DKK3: variants seen among roughly 807,000 people sequenced by gnomAD.
DKK3 encodes the protein dickkopf Wnt signaling pathway inhibitor 3.
DKK3 carries 22 observed loss-of-function variants against 33.2 expected under a neutral mutation model. The observed-to-expected ratio is 0.66, with a 90% CI of 0.47 to 0.95. The LOEUF (loss-of-function observed/expected upper bound fraction) is 0.95. DKK3 is among the 40% of genes least tolerant of loss of function. The probability of loss-of-function intolerance (pLI) is 0.00; values close to 1 mark genes in which losing one functional copy is unlikely to be tolerated. For synonymous variants in DKK3, 194 were observed against 188.8 expected (o/e 1.03, Z -0.23); for missense variants, 398 against 458.4 (o/e 0.87, Z 1.20).
intron 3 of DKK3, among the ~76,000 whole-genome samples, chr11:11,992,284 T>C (rs756157630): frequency 5.3e-5 from 8 of 152,186 alleles, no homozygotes; most frequent in Non-Finnish European, 1.0e-4. Flanking sequence ...ATTTTACATA[T>C]GGGAAAACTA....
intron 3 of DKK3, among the ~76,000 whole-genome samples, chr11:11,978,307 C>A (rs1198425005): frequency 6.6e-6 from 1 of 152,098 alleles, no homozygotes; most frequent in East Asian, 1.9e-4. Context: ...GGCTGGGAAG[C>A]ACTGCCCTTC....
chr11:11,964,787 T>C (rs1438395395), intron 6 of DKK3, 101 bp from the exon 7 acceptor site: 3 of 1,527,850 alleles, frequency 2.0e-6, no homozygotes, highest in African/African-American at 2.8e-5. Context: ...CTCACCTTCA[T>C]GCCCCCTCCT....
chr11:11,967,153 T>G, intron 4 of DKK3, 55 bp from the exon 5 acceptor site: 1 of 1,589,636 alleles, frequency 6.3e-7, no homozygotes, highest in Non-Finnish European at 8.6e-7. Flanking sequence ...GGGGGCCTGC[T>G]GAGAGCCCAG....
intron 3 of DKK3, among the ~76,000 whole-genome samples, chr11:11,995,869 T>C (rs981497376): frequency 2.6e-5 from 4 of 152,200 alleles, no homozygotes; most frequent in Non-Finnish European, 5.9e-5. Context: ...GGTGTCCTTT[T>C]CCCCTTTCAC....
chr11:11,981,840 T>C (rs2135040434), intron 3 of DKK3, among the ~76,000 whole-genome samples: 1 of 152,306 alleles, frequency 6.6e-6, no homozygotes, highest in East Asian at 1.9e-4. Flanking sequence ...CCCTGGGCCT[T>C]CTTGGTTGCT....
rs1847649982 is a variant in DKK3, at chr11:11,968,394, C to G, written c.528+1G>C. 6.2e-7 allele frequency: 1 copy of G among 1,611,788 alleles called. No individual in the cohort carries two copies. The highest frequency in any genetic ancestry group is 8.5e-7 in the Non-Finnish European group (1 of 1,178,704). On this transcript the variant is annotated splice_donor_variant, in intron 4 of 6. Transcript: ENST00000683431. LOFTEE classifies it high-confidence loss of function. ...AGCCCCAGAGGCCCTGGCATACTCACCATCCTCTGGCCCCGGCATGGCTGG... is the reference window on the plus strand; with the variant it reads ...AGCCCCAGAGGCCCTGGCATACTCAGCATCCTCTGGCCCCGGCATGGCTGG...
At chr11:11,967,189 C>A (rs1309250795) in intron 4 of DKK3, 91 bp from the exon 5 acceptor site, 7 of 1,450,318 alleles carry the variant, frequency 4.8e-6, no homozygotes, top group Non-Finnish European at 5.6e-6. Context: ...GATAGGCCAA[C>A]CTGCATCCTC....
intron 3 of DKK3, among the ~76,000 whole-genome samples, chr11:11,984,781 G>C (rs7396008): frequency 0.24 from 36,287 of 152,028 alleles, 4,826 homozygotes; most frequent in Admixed American, 0.41. Context: ...CTGGGTGGGG[G>C]ACGGCGCCTG....
At chr11:11,993,123 A>G (rs1008823359) in intron 3 of DKK3, among the ~76,000 whole-genome samples, 1 of 152,218 alleles carries the variant, frequency 6.6e-6, no homozygotes, top group Non-Finnish European at 1.5e-5. Context: ...TAGCATTTAC[A>G]CTGAAAGTAT....
At chr11:11,974,858 C>T (rs550122980) in intron 3 of DKK3, among the ~76,000 whole-genome samples, 2 of 151,816 alleles carry the variant, frequency 1.3e-5, no homozygotes, top group East Asian at 1.9e-4. Flanking sequence ...GAGCCAAGAT[C>T]GCACCACTGC....
chr11:11,997,617 CT>C (rs1262085316), intron 3 of DKK3, among the ~76,000 whole-genome samples: 1 of 152,120 alleles, frequency 6.6e-6, no homozygotes, highest in Non-Finnish European at 1.5e-5. Flanking sequence ...GGCTTCTAGA[CT>C]CCACAGCCAG....
At chr11:11,965,673 C>T (rs1392445736) in intron 6 of DKK3, 136 bp downstream of exon 6, 2 of 1,135,304 alleles carry the variant, frequency 1.8e-6, no homozygotes, top group Admixed American at 2.8e-5. Flanking sequence ...ATCTGCATGA[C>T]CCAACGACCT....
rs1156422242 is a variant in DKK3, at chr11:12,008,237, CAT to C, written c.213+131_213+132del. On this transcript the variant is annotated intron_variant, in intron 1 of 6. Coordinates refer to ENST00000683431, the MANE Select transcript of DKK3 (RefSeq NM_001018057.2). This position sits in a 1 kb window ranked among gnomAD's most constrained non-coding sequence, Gnocchi z 4.6. ...CGTGCGCTGCCTCCAGGTCACTCCG[CAT>C]CTGCTGTCGGCCCTTCCCAGGCCCT... 6 of 1,193,392 alleles carry C rather than the reference CAT, an allele frequency of 5.0e-6. No homozygotes were observed. The African/African-American group carries it at 9.3e-5, about 19-fold the overall frequency. 73.9% of individuals were successfully genotyped at this position (1,193,392 alleles called of 1,614,324 possible). A position where few individuals can be genotyped will look rare whatever the true frequency, so the allele number is the denominator to read the frequency against.
chr11:11,974,890 T>C (rs1478405283), intron 3 of DKK3, among the ~76,000 whole-genome samples: 1 of 151,366 alleles, frequency 6.6e-6, no homozygotes, highest in African/African-American at 2.4e-5. Flanking sequence ...AGTCAGACAG[T>C]GGACCCCATC....
chr11:11,966,906 TGGAGCTTG>T (rs779613499), intron 5 of DKK3, 40 bp downstream of exon 5: 22 of 1,600,830 alleles, frequency 1.4e-5, no homozygotes, highest in Non-Finnish European at 1.9e-5. Context: ...TCCAGTGTGG[TGGAGCTTG>T]GGACAGGGTT....
In DKK3 at chr11:12,002,324, G is replaced by A; in HGVS notation, c.327C>T (p.Ile109=). 5 of 1,613,988 alleles carry A rather than the reference G, an allele frequency of 3.1e-6. No homozygotes were observed. Among genetic ancestry groups the A allele is most frequent in the Non-Finnish European group, 4.2e-6 (5 of 1,179,916 alleles). Residue 109 remains isoleucine, a synonymous_variant, in exon 2 of 7, where the codon ATC becomes ATT. Transcript: ENST00000683431. The stretch of plus-strand genomic sequence containing the variant: ...CCTTGTGAATTTCTCGGTGCACATG[G>A]ATGGTATTATTTCCAACCTTCGTGT... ...NTDTKVGNNT[I]HVHREIHKIT... is the part of the protein sequence containing the mutation.
Position 12,008,393 on chromosome 11 carries a change from T to G in DKK3, c.190A>C (p.Lys64Gln), listed in dbSNP as rs778805346. Residue 64 changes from lysine to glutamine, a missense_variant, in exon 1 of 7, where the codon AAA becomes CAA. Lys to Gln is a moderately conservative substitution (Grantham distance 53). Transcript: ENST00000683431. The surrounding 1 kb of genome is among the most constrained non-coding windows in gnomAD (Gnocchi z 4.6). ...VEELMEDTQH[K>Q]LRSAVEEMEA... ...ACCTCTTCCACCGCGCTGCGCAATTTGTGCTGCGTGTCCTCCATCAGTTCC... is the reference window on the plus strand; with the variant it reads ...ACCTCTTCCACCGCGCTGCGCAATTGGTGCTGCGTGTCCTCCATCAGTTCC... The G allele has an allele frequency of 1.2e-6, 2 of 1,607,460 alleles. No individual in the cohort carries two copies.
intron 3 of DKK3, among the ~76,000 whole-genome samples, chr11:11,979,256 C>G (rs78629485): frequency 0.022 from 3,397 of 152,300 alleles, 123 homozygotes; most frequent in African/African-American, 0.078. Flanking sequence ...AGGAGCAGCC[C>G]CCTGACAGCT....
At chr11:11,993,780 C>A (rs1473056512) in intron 3 of DKK3, among the ~76,000 whole-genome samples, 9 of 152,172 alleles carry the variant, frequency 5.9e-5, no homozygotes, top group Admixed American at 5.9e-4. Flanking sequence ...GACTATGGAA[C>A]TGAACATTCA....
Sources: gnomAD v4.1 joint callset for allele counts (sites outside exome capture counted in the v4.1 genomes callset) on GRCh38, gnomAD v4.1.1 for gene constraint, Gnocchi (gnomAD v3.1) non-coding constraint, MANE v1.5 for transcripts, NCBI Gene and HGNC (gene_info 2026-07-23, HGNC 2026-07-21) for gene names.